GABRB1: variants seen among roughly 807,000 people sequenced by gnomAD.
The protein encoded by GABRB1 is gamma-aminobutyric acid type A receptor subunit beta1, also known as gamma-aminobutyric acid receptor subunit beta-1.
In GABRB1, 17 loss-of-function variants were observed where a neutral mutation model predicts 51.6. The observed-to-expected ratio is 0.33, with a 90% confidence interval of 0.23 to 0.49. The LOEUF is 0.49. GABRB1 is among the 20% of genes least tolerant of loss of function. The pLI is 0.99. For missense variants in GABRB1, 410 were observed against 600.6 expected (o/e 0.68, Z 3.32); for synonymous variants, 247 against 218.9 (o/e 1.13, Z -1.14).
rs143161086 is a variant in GABRB1 at position 47,218,085 on chromosome 4, G to T, written c.461+56616G>T. On this transcript the variant is annotated intron_variant, in intron 4 of 8. Coordinates refer to ENST00000295454, the MANE Select transcript of GABRB1 (RefSeq NM_000812.4). ...TCTCACATATGAGTGAGAACATATG[G>T]TATTTGTCTTTCTGTGCCTGGTTTA... Among the ~76,000 whole-genome samples the T allele has an allele frequency of 4.5e-4, 68 of 151,824 alleles. 1 individual carries two copies. The highest frequency in any genetic ancestry group is 1.6e-3 in the African/African-American group (67 of 41,490).
At chr4:47,375,118 G>C (rs767602756) in intron 5 of GABRB1, among the ~76,000 whole-genome samples, 5 of 152,156 alleles carry the variant, frequency 3.3e-5, no homozygotes, top group Admixed American at 1.3e-4. Context: ...TAGTCTTTTA[G>C]GGATTTCTTT....
At position 47,302,793 on chromosome 4, in the gene GABRB1, A is replaced by T. The variant is rs377101218; in HGVS notation, c.462-17334A>T. 3.9e-4 allele frequency among the ~76,000 whole-genome samples: 59 copies of T among 152,114 alleles called. No homozygotes were observed. In the East Asian group the frequency reaches 7.3e-3, roughly 19 times the overall value. ...AGGCAAGGTACCAAAAGAGCCTTTC[A>T]TTCAGATTAATTAATTACTGGAGTT... On this transcript the variant is annotated intron_variant, in intron 4 of 8. Coordinates refer to ENST00000295454, the MANE Select transcript of GABRB1 (RefSeq NM_000812.4).
At chr4:47,077,916 T>C (rs1228525428) in intron 3 of GABRB1, among the ~76,000 whole-genome samples, 2 of 133,110 alleles carry the variant, frequency 1.5e-5, no homozygotes, top group South Asian at 4.5e-4. Context: ...ATATATATTA[T>C]ATATTTTATA....
chr4:47,274,916 G>A (rs1379976716), intron 4 of GABRB1, among the ~76,000 whole-genome samples: 1 of 152,136 alleles, frequency 6.6e-6, no homozygotes, highest in Non-Finnish European at 1.5e-5. Flanking sequence ...TATTCAGCTA[G>A]AAGAAATTAT....
chr4:47,206,371 A>G (rs1720123040), intron 4 of GABRB1, among the ~76,000 whole-genome samples: 2 of 152,106 alleles, frequency 1.3e-5, no homozygotes, highest in South Asian at 4.1e-4. Flanking sequence ...ATGGCATTTG[A>G]TCTCTTTAAA....
chr4:47,360,410 C>A (rs941716611), intron 5 of GABRB1, among the ~76,000 whole-genome samples: 2 of 151,704 alleles, frequency 1.3e-5, no homozygotes, highest in Non-Finnish European at 2.9e-5. Context: ...GGAATCCAGC[C>A]TCTTTTCATA....
At chr4:47,043,968 G>A (rs942442609) in intron 3 of GABRB1, among the ~76,000 whole-genome samples, 1 of 152,084 alleles carries the variant, frequency 6.6e-6, no homozygotes, top group African/African-American at 2.4e-5. Flanking sequence ...AACAGAATAA[G>A]GAGAAAGAAG....
At chr4:47,239,817 G>C (rs1418708302) in intron 4 of GABRB1, among the ~76,000 whole-genome samples, 1 of 152,202 alleles carries the variant, frequency 6.6e-6, no homozygotes, top group Non-Finnish European at 1.5e-5. Flanking sequence ...CTGGCAGCTT[G>C]GTTCCAGTCC....
intron 3 of GABRB1, among the ~76,000 whole-genome samples, chr4:47,114,519 C>T (rs1375172486): frequency 6.6e-6 from 1 of 152,130 alleles, no homozygotes; most frequent in East Asian, 1.9e-4. Flanking sequence ...GGTATGTTGT[C>T]CAATAATGTA....
At chr4:47,390,987 C>A (rs1277584427) in intron 5 of GABRB1, among the ~76,000 whole-genome samples, 1 of 152,002 alleles carries the variant, frequency 6.6e-6, no homozygotes, top group Non-Finnish European at 1.5e-5. Context: ...ACCAGCCTGG[C>A]CAACATGGTG....
chr4:47,248,053 AGAG>A (rs1721833268), intron 4 of GABRB1, among the ~76,000 whole-genome samples: 1 of 152,056 alleles, frequency 6.6e-6, no homozygotes, highest in South Asian at 2.1e-4. Flanking sequence ...GCTGTGTTAA[AGAG>A]GAGTGGTGAG....
At chr4:47,115,741 T>A (rs1715449797) in intron 3 of GABRB1, among the ~76,000 whole-genome samples, 1 of 149,424 alleles carries the variant, frequency 6.7e-6, no homozygotes, top group Admixed American at 6.8e-5. Context: ...ATAAAACATA[T>A]GTATTATGTT....
intron 1 of GABRB1, among the ~76,000 whole-genome samples, chr4:47,020,501 C>A: frequency 6.6e-6 from 1 of 152,100 alleles, no homozygotes; most frequent in Non-Finnish European, 1.5e-5. Context: ...ATTTACAATG[C>A]AAACCTTCCC....
At chr4:47,268,249 C>A (rs1452879649) in intron 4 of GABRB1, among the ~76,000 whole-genome samples, 3 of 152,118 alleles carry the variant, frequency 2.0e-5, no homozygotes, top group Non-Finnish European at 4.4e-5. Flanking sequence ...TGTGCTACAA[C>A]AAAATGAAAT....
At chr4:47,046,603 T>C (rs1726102238) in intron 3 of GABRB1, among the ~76,000 whole-genome samples, 1 of 152,010 alleles carries the variant, frequency 6.6e-6, no homozygotes, top group Non-Finnish European at 1.5e-5. Flanking sequence ...TGAGATCTCA[T>C]GACATAGCAG....
At chr4:47,110,231 T>G (rs533411224) in intron 3 of GABRB1, among the ~76,000 whole-genome samples, 7 of 152,190 alleles carry the variant, frequency 4.6e-5, no homozygotes, top group African/African-American at 1.7e-4. Flanking sequence ...CATCATCCCA[T>G]CTTCCATCTT....
At chr4:47,349,858 C>A (rs1395856535) in intron 5 of GABRB1, among the ~76,000 whole-genome samples, 1 of 152,182 alleles carries the variant, frequency 6.6e-6, no homozygotes, top group Admixed American at 6.5e-5. Flanking sequence ...AGACCCTAGG[C>A]AGTCTGATTT....
chr4:47,126,980 T>C (rs1300558739), intron 3 of GABRB1, among the ~76,000 whole-genome samples: 1 of 151,972 alleles, frequency 6.6e-6, no homozygotes, highest in Non-Finnish European at 1.5e-5. Flanking sequence ...GATGAGGTAC[T>C]AAAAATGTTT....
chr4:47,310,661 A>G (rs1300976622), intron 4 of GABRB1, among the ~76,000 whole-genome samples: 1 of 152,160 alleles, frequency 6.6e-6, no homozygotes, highest in Non-Finnish European at 1.5e-5. Context: ...TAAACTTGGA[A>G]AAATTTATTA....
Sources: gnomAD v4.1 joint callset for allele counts (sites outside exome capture counted in the v4.1 genomes callset) on GRCh38, gnomAD v4.1.1 for gene constraint, MANE v1.5 for transcripts, NCBI Gene and HGNC (gene_info 2026-07-23, HGNC 2026-07-21) for gene names.